TMEM132C: variants seen among roughly 807,000 people sequenced by gnomAD.
The protein encoded by TMEM132C is transmembrane protein 132C.
TMEM132C carries 29 observed loss-of-function variants against 61.4 expected under a neutral mutation model. The observed-to-expected ratio is 0.47, with a 90% CI of 0.35 to 0.64. The LOEUF is 0.64. Among genes scored for constraint, TMEM132C ranks in the 30% least tolerant of loss-of-function variants. The pLI is 0.00. For synonymous variants in TMEM132C, 656 were observed against 633.1 expected (o/e 1.04, Z -0.54); for missense variants, 1,408 against 1,476.9 (o/e 0.95, Z 0.76).
chr12:128,472,822 G>A (rs556977755), intron 2 of TMEM132C, among the ~76,000 whole-genome samples: 35 of 152,138 alleles, frequency 2.3e-4, no homozygotes, highest in Non-Finnish European at 2.4e-4. Context: ...GTTATAAAAT[G>A]GTCCCTGATG....
At chr12:128,447,990 T>C (rs1870047302) in intron 2 of TMEM132C, among the ~76,000 whole-genome samples, 1 of 151,960 alleles carries the variant, frequency 6.6e-6, no homozygotes. Flanking sequence ...CCTCCCAAAG[T>C]GCTGGGTCAA....
chr12:128,345,426 A>G (rs370690426), intron 1 of TMEM132C, among the ~76,000 whole-genome samples: 46 of 152,292 alleles, frequency 3.0e-4, no homozygotes, highest in African/African-American at 1.0e-3. Flanking sequence ...ATACCTAGTA[A>G]TAGGATTACT....
intron 1 of TMEM132C, among the ~76,000 whole-genome samples, chr12:128,318,112 A>G (rs1049292632): frequency 6.6e-6 from 1 of 152,234 alleles, no homozygotes; most frequent in Non-Finnish European, 1.5e-5. Context: ...GGTGAAAAAA[A>G]CAGACACGGA....
chr12:128,580,233 G>A (rs149414213), intron 3 of TMEM132C, among the ~76,000 whole-genome samples: 4,555 of 151,890 alleles, frequency 0.03, 238 homozygotes, highest in African/African-American at 0.1. Context: ...TGGCTAACAC[G>A]GTGAAACCCC....
chr12:128,566,386 A>G (rs2136167410), intron 3 of TMEM132C, among the ~76,000 whole-genome samples: 1 of 152,268 alleles, frequency 6.6e-6, no homozygotes, highest in East Asian at 1.9e-4. Flanking sequence ...AGGTTTTCCT[A>G]AAGAACCTAT....
In TMEM132C at chr12:128,705,300, GC is replaced by G; in HGVS notation, c.2334del (p.Cys779AlafsTer91). ...LIRVDMTIAEACQKSKRKSIL... is the reference protein window; with the variant it reads ...LIRVDMTIAEXCQKSKRKSIL... ...CCGAGTGGACATGACGATCGCCGAGGCCTGCCAGAAATCTAAACGCAAGAGC... is the reference window on the plus strand; with the variant it reads ...CCGAGTGGACATGACGATCGCCGAGGCTGCCAGAAATCTAAACGCAAGAGC... On this transcript the variant is annotated frameshift_variant, in exon 9 of 9. Transcript: ENST00000435159. LOFTEE classifies it low-confidence loss of function (END_TRUNC). The G allele has an allele frequency of 6.4e-7, 1 of 1,551,354 alleles. No individual in the cohort carries two copies. The highest frequency in any genetic ancestry group is 1.2e-5 in the South Asian group (1 of 84,066).
chr12:128,422,444 C>T (rs765585599), intron 2 of TMEM132C, among the ~76,000 whole-genome samples: 22 of 152,180 alleles, frequency 1.4e-4, no homozygotes, highest in Non-Finnish European at 2.6e-4. Flanking sequence ...CATTCATCCT[C>T]TCCAACTTAA....
At chr12:128,446,732 G>C (rs1869994019) in intron 2 of TMEM132C, among the ~76,000 whole-genome samples, 1 of 152,130 alleles carries the variant, frequency 6.6e-6, no homozygotes, top group Admixed American at 6.5e-5. Flanking sequence ...AAGGGCTGGG[G>C]TAATTCAGCC....
At chr12:128,450,665 G>C (rs1870148524) in intron 2 of TMEM132C, among the ~76,000 whole-genome samples, 1 of 152,188 alleles carries the variant, frequency 6.6e-6, no homozygotes, top group South Asian at 2.1e-4. Flanking sequence ...AGGAAGTGAG[G>C]CTGCATGTTT....
chr12:128,271,771 G>C (rs1172942797), intron 1 of TMEM132C, among the ~76,000 whole-genome samples: 7 of 152,148 alleles, frequency 4.6e-5, no homozygotes, highest in Non-Finnish European at 1.0e-4. Context: ...TTAATCACCA[G>C]GGTGGCTACA....
At chr12:128,380,113 C>T (rs145579570) in intron 1 of TMEM132C, among the ~76,000 whole-genome samples, 1 of 152,362 alleles carries the variant, frequency 6.6e-6, no homozygotes, top group East Asian at 1.9e-4. Context: ...TCTGTAAGAT[C>T]TTCTCTGATC....
At chr12:128,628,357 G>C (rs1288232389) in intron 4 of TMEM132C, among the ~76,000 whole-genome samples, 1 of 152,130 alleles carries the variant, frequency 6.6e-6, no homozygotes, top group Non-Finnish European at 1.5e-5. Context: ...CATGCGCTCT[G>C]CCCTGGGGCC....
intron 5 of TMEM132C, among the ~76,000 whole-genome samples, chr12:128,674,849 GC>G (rs1368405696): frequency 6.6e-6 from 1 of 150,720 alleles, no homozygotes; most frequent in Non-Finnish European, 1.5e-5. Flanking sequence ...TCCCCCCAAG[GC>G]CCCAAAGTCC....
intron 2 of TMEM132C, among the ~76,000 whole-genome samples, chr12:128,520,355 G>C (rs1872860189): frequency 6.6e-6 from 1 of 152,186 alleles, no homozygotes; most frequent in Admixed American, 6.5e-5. Context: ...GACTACCCAG[G>C]ACAAAGATTG....
In TMEM132C at chr12:128,622,363, ATATATATATATATATATATATATAT is replaced by A. The variant is rs1593123821; in HGVS notation, c.1305+6029_1305+6053del. Among the ~76,000 whole-genome samples, 156 of 56,746 alleles carry A rather than the reference ATATATATATATATATATATATATAT, an allele frequency of 2.7e-3. 17 individuals are homozygous for A. The East Asian group carries it at 0.053, about 19-fold the overall frequency. 37.2% of individuals were successfully genotyped at this position (56,746 alleles called of 152,430 possible). ...TGTCTCAAAAAAAAAAAAAAAAAATATATATATATATATATATATATATATATATATATATATAACCAGGAAACAT... is the reference window on the plus strand; with the variant it reads ...TGTCTCAAAAAAAAAAAAAAAAAATAATATATATATATAACCAGGAAACAT... On this transcript the variant is annotated intron_variant, in intron 4 of 8. Coordinates refer to ENST00000435159, the MANE Select transcript of TMEM132C (RefSeq NM_001136103.3).
chr12:128,357,157 A>G (rs1873532755), intron 1 of TMEM132C, among the ~76,000 whole-genome samples: 1 of 152,170 alleles, frequency 6.6e-6, no homozygotes, highest in Admixed American at 6.5e-5. Flanking sequence ...TAAATGAAGA[A>G]GAAGTATCGG....
At chr12:128,382,419 C>T (rs1874430301) in intron 1 of TMEM132C, among the ~76,000 whole-genome samples, 1 of 152,156 alleles carries the variant, frequency 6.6e-6, no homozygotes, top group African/African-American at 2.4e-5. Flanking sequence ...ATGGGAATGT[C>T]CCCTGAGCAC....
chr12:128,480,933 G>A (rs1871298839), intron 2 of TMEM132C, among the ~76,000 whole-genome samples: 1 of 152,182 alleles, frequency 6.6e-6, no homozygotes, highest in Admixed American at 6.5e-5. Flanking sequence ...CAGAGAGGGT[G>A]GGGACGGAGC....
chr12:128,301,925 G>C (rs1032431088), intron 1 of TMEM132C, among the ~76,000 whole-genome samples: 1 of 152,164 alleles, frequency 6.6e-6, no homozygotes, highest in African/African-American at 2.4e-5. Context: ...AGAAATGAGA[G>C]CCAAGTGAAA....
Sources: allele counts gnomAD v4.1 joint callset (sites outside exome capture counted in the v4.1 genomes callset), GRCh38; gene constraint gnomAD v4.1.1; transcripts MANE v1.5; gene names NCBI Gene and HGNC (gene_info 2026-07-23, HGNC 2026-07-21).